Variants in GAPVD1 observed in about 807,000 individuals in gnomAD.
GAPVD1 encodes GTPase activating protein and VPS9 domains 1.
In GAPVD1, 35 loss-of-function variants were observed where a neutral mutation model predicts 155.5. The observed-to-expected ratio is 0.23, with a 90% CI of 0.17 to 0.30. The LOEUF (loss-of-function observed/expected upper bound fraction) is 0.30, where lower values mean the gene tolerates loss of function less well. Ranked by LOEUF, GAPVD1 falls within the 10% of genes least tolerant of loss-of-function variation. GAPVD1 has a pLI of 1.00. For missense variants in GAPVD1, 1,429 were observed against 1,775.7 expected (o/e 0.80, Z 3.51); for synonymous variants, 636 against 619.7 (o/e 1.03, Z -0.39).
Position 125,302,586 on chromosome 9 carries a change from C to T in GAPVD1, c.789C>T (p.Asn263=), listed in dbSNP as rs1841078192. 1 of 1,613,796 alleles carries T rather than the reference C, an allele frequency of 6.2e-7. No homozygotes were observed. The highest frequency in any genetic ancestry group is 8.5e-7 in the Non-Finnish European group (1 of 1,179,876). ...SNEAKLVALV[N]KFIGYLKQNT... is the part of the protein sequence containing the mutation. ...AAGCAAAGCTAGTGGCTTTGGTGAA[C>T]AAATTTATTGGTTATCTCAAACAGA... The change falls in exon 5 of 28, where the codon AAC becomes AAT. Residue 263 remains asparagine, a synonymous_variant. Coordinates refer to ENST00000297933, the MANE Select transcript of GAPVD1 (RefSeq NM_001282680.3).
chr9:125,283,071 T>TATTTA, intron 2 of GAPVD1, among the ~76,000 whole-genome samples: 1 of 150,956 alleles, frequency 6.6e-6, no homozygotes, highest in East Asian at 1.9e-4. Context: ...TTTATTTATT[T>TATTTA]ATGTTTGAGA....
chr9:125,294,039 A>G (rs1839423601), intron 2 of GAPVD1, among the ~76,000 whole-genome samples: 1 of 150,260 alleles, frequency 6.7e-6, no homozygotes, highest in Non-Finnish European at 1.5e-5. Flanking sequence ...TAGCCTCCCT[A>G]GTAGCTGGGA....
chr9:125,335,385 TTTA>T, intron 15 of GAPVD1: 1 of 466,670 alleles, frequency 2.1e-6, no homozygotes. Flanking sequence ...TCTTTTTTTT[TTTA>T]AAAATGGGGC....
In GAPVD1 at chr9:125,354,762, G is replaced by A. The variant is rs1444886026; in HGVS notation, c.3678G>A (p.Val1226=). The change falls in exon 24 of 28, where the codon GTG becomes GTA. Residue 1226 remains valine, a synonymous_variant. Coordinates refer to ENST00000297933, the MANE Select transcript of GAPVD1 (RefSeq NM_001282680.3). ...AAAGAGTTTTGCGGGACAAAGAAGT[G>A]GCCAATCGATACTTTACCACTGTCT... The part of the protein sequence containing the change: ...LLQRVLRDKE[V]ANRYFTTVCV... 5.6e-6 allele frequency: 9 copies of A among 1,613,524 alleles called. No individual in the cohort carries two copies. The highest frequency in any genetic ancestry group is 2.2e-5 in the East Asian group (1 of 44,884).
At chr9:125,305,630 A>G (rs1022461571) in intron 6 of GAPVD1, among the ~76,000 whole-genome samples, 3 of 151,878 alleles carry the variant, frequency 2.0e-5, no homozygotes, top group African/African-American at 7.3e-5. Flanking sequence ...CGGCCTCCCA[A>G]AGTGCTAGGA....
At chr9:125,269,281 A>G (rs980789329) in intron 2 of GAPVD1, among the ~76,000 whole-genome samples, 10 of 151,954 alleles carry the variant, frequency 6.6e-5, no homozygotes, top group Non-Finnish European at 1.2e-4. Context: ...ATAATTTTCA[A>G]ATGTTTAGTT....
intron 15 of GAPVD1, among the ~76,000 whole-genome samples, chr9:125,333,080 G>A (rs1846312751): frequency 6.7e-6 from 1 of 148,516 alleles, no homozygotes; most frequent in South Asian, 2.1e-4. Flanking sequence ...TAAAACTTCT[G>A]TTTTTTTTTT....
intron 14 of GAPVD1, 48 bp downstream of exon 14, chr9:125,332,108 C>T: frequency 2.6e-6 from 4 of 1,517,512 alleles, no homozygotes; most frequent in Non-Finnish European, 3.6e-6. Context: ...GTGTTCACCC[C>T]CTACCCCCTC....
Position 125,337,622 on chromosome 9 carries a change from T to C in GAPVD1, c.2877+31T>C, listed in dbSNP as rs750272766. ...GGACATAGGCCGTGAAAAAGAATTA[T>C]GTTCTGCCTGCCTAGTTCTCTTGAT... On this transcript the variant is annotated intron_variant, in intron 17 of 27. Transcript: ENST00000297933. 6.4e-6 allele frequency: 10 copies of C among 1,574,222 alleles called. No homozygotes were observed. In the East Asian group the frequency reaches 2.0e-4, roughly 32 times the overall value.
At chr9:125,300,574 C>T (rs776732650) in intron 4 of GAPVD1, among the ~76,000 whole-genome samples, 8 of 152,032 alleles carry the variant, frequency 5.3e-5, no homozygotes, top group South Asian at 4.2e-4. Flanking sequence ...GTATGAAGTT[C>T]AAAAAGAGAC....
chr9:125,325,009 G>C (rs1257895147), intron 11 of GAPVD1, among the ~76,000 whole-genome samples: 1 of 152,098 alleles, frequency 6.6e-6, no homozygotes, highest in Non-Finnish European at 1.5e-5. Context: ...TAGATCATTT[G>C]AGGTCAGGAA....
intron 10 of GAPVD1, among the ~76,000 whole-genome samples, chr9:125,323,312 G>T (rs1450580822): frequency 6.7e-6 from 1 of 149,206 alleles, no homozygotes; most frequent in Non-Finnish European, 1.5e-5. Flanking sequence ...GTTGTGTTTT[G>T]TTTTGTTTTT....
At chr9:125,313,133 T>G (rs1367366342) in intron 9 of GAPVD1, among the ~76,000 whole-genome samples, 1 of 151,902 alleles carries the variant, frequency 6.6e-6, no homozygotes, top group Non-Finnish European at 1.5e-5. Flanking sequence ...TGGGCTATTT[T>G]ATAAGGGCAC....
At chr9:125,294,307 C>T (rs565493739) in intron 2 of GAPVD1, among the ~76,000 whole-genome samples, 3 of 150,494 alleles carry the variant, frequency 2.0e-5, no homozygotes, top group African/African-American at 7.3e-5. Context: ...TCCCAAAGTG[C>T]TGGGATTACA....
chr9:125,297,971 C>G (rs935407299), intron 3 of GAPVD1, among the ~76,000 whole-genome samples: 16 of 152,172 alleles, frequency 1.1e-4, no homozygotes, highest in Admixed American at 1.0e-3. Context: ...GTCTCGAACT[C>G]CTGACCTCAG....
At position 125,362,956 on chromosome 9, in the gene GAPVD1, T is replaced by C. The variant is rs558185644; in HGVS notation, c.*210T>C. ...TCTTTCCTTTCTGAGTTGCATATTCTATTTTCTTGTCCCCAAGTAGAGACT... is the reference window on the plus strand; with the variant it reads ...TCTTTCCTTTCTGAGTTGCATATTCCATTTTCTTGTCCCCAAGTAGAGACT... On this transcript the variant is annotated 3_prime_UTR_variant, in exon 28 of 28. Transcript: ENST00000297933. 1.5e-5 allele frequency: 5 copies of C among 328,322 alleles called. No individual in the cohort carries two copies. In the South Asian group the frequency reaches 3.7e-4, roughly 24 times the overall value. 20.3% of individuals were successfully genotyped at this position (328,322 alleles called of 1,614,324 possible). A position where few individuals can be genotyped will look rare whatever the true frequency, so the allele number is the denominator to read the frequency against.
chr9:125,305,889 G>T (rs1347954747), intron 6 of GAPVD1, among the ~76,000 whole-genome samples: 1 of 152,100 alleles, frequency 6.6e-6, no homozygotes, highest in Non-Finnish European at 1.5e-5. Flanking sequence ...CTGGCCTCAA[G>T]TGATCCTCCT....
Position 125,342,205 on chromosome 9 carries a change from T to C in GAPVD1, c.2966-14T>C. 1 of 1,334,392 alleles carries C rather than the reference T, an allele frequency of 7.5e-7. No individual in the cohort carries two copies. The highest frequency in any genetic ancestry group is 2.3e-5 in the East Asian group (1 of 43,684). 82.7% of individuals were successfully genotyped at this position (1,334,392 alleles called of 1,614,324 possible). On this transcript the variant is annotated splice_polypyrimidine_tract_variant and intron_variant, in intron 18 of 27. Coordinates refer to ENST00000297933, the MANE Select transcript of GAPVD1 (RefSeq NM_001282680.3). The stretch of plus-strand genomic sequence containing the variant: ...ATGTTATATGTCACACTACTGACTT[T>C]ATTTAATTTCCAGCTCCTATACCAT...
chr9:125,268,035 G>A (rs1834258689), intron 1 of GAPVD1, among the ~76,000 whole-genome samples: 3 of 151,802 alleles, frequency 2.0e-5, no homozygotes, highest in Admixed American at 2.0e-4. Context: ...GTGGTGGCTC[G>A]CGCCTGTAAT....
Sources: gnomAD v4.1 joint callset for allele counts (sites outside exome capture counted in the v4.1 genomes callset) on GRCh38, gnomAD v4.1.1 for gene constraint, MANE v1.5 for transcripts, NCBI Gene and HGNC (gene_info 2026-07-23, HGNC 2026-07-21) for gene names.